Variants in ATP10D observed in about 807,000 individuals in gnomAD.
ATP10D encodes ATPase phospholipid transporting 10D (putative).
A neutral mutation model predicts 144.8 loss-of-function variants in ATP10D; 89 were observed. That is an observed-to-expected ratio of 0.61 (90% confidence interval 0.52 to 0.73). The LOEUF is 0.73. Among genes scored for constraint, ATP10D ranks in the 30% least tolerant of loss-of-function variants. The pLI is 0.00. For synonymous variants in ATP10D, 571 were observed against 615.1 expected (o/e 0.93, Z 1.06); for missense variants, 1,603 against 1,714.8 (o/e 0.93, Z 1.15).
rs1717849314 is a variant in ATP10D at position 47,536,437 on chromosome 4, G to A, written c.1016G>A (p.Gly339Asp). 1.9e-6 allele frequency: 3 copies of A among 1,612,122 alleles called. No individual in the cohort carries two copies. The highest frequency in any genetic ancestry group is 2.5e-6 in the Non-Finnish European group (3 of 1,179,318). The stretch of plus-strand genomic sequence containing the variant: ...TTGATGTCTGTGTATTTTTTGAAAG[G>A]TCATGGAATCTGGCTGAGCAGGTAT... ...LVIMCLTGAV[G>D]HGIWLSRYEK... The change falls in exon 8 of 23, where the codon GGT becomes GAT. Residue 339 changes from glycine to aspartate, a missense_variant and splice_region_variant. Coordinates refer to ENST00000273859, the MANE Select transcript of ATP10D (RefSeq NM_020453.4).
chr4:47,554,597 T>C, intron 10 of ATP10D, 129 bp from the exon 11 acceptor site: 2 of 703,154 alleles, frequency 2.8e-6, no homozygotes, highest in Non-Finnish European at 4.5e-6. Flanking sequence ...TACAATTGTT[T>C]TTAGAAAAAT....
intron 9 of ATP10D, among the ~76,000 whole-genome samples, chr4:47,544,779 C>T (rs546391756): frequency 6.6e-6 from 1 of 152,276 alleles, no homozygotes; most frequent in East Asian, 1.9e-4. Context: ...AAACATTCTT[C>T]ACTTCATAGA....
At chr4:47,585,957 A>AGG (rs1158456859) in intron 21 of ATP10D, among the ~76,000 whole-genome samples, 3 of 152,210 alleles carry the variant, frequency 2.0e-5, no homozygotes, top group African/African-American at 7.2e-5. Context: ...CAGCAAGCAT[A>AGG]GGAGTGCAGA....
At position 47,558,158 on chromosome 4, in the gene ATP10D, C is replaced by T; in HGVS notation, c.2319C>T (p.Asp773=). 1 of 1,614,174 alleles carries T rather than the reference C, an allele frequency of 6.2e-7. No individual in the cohort carries two copies. Among genetic ancestry groups the T allele is most frequent in the Non-Finnish European group, 8.5e-7 (1 of 1,180,050 alleles). ...AACTCCTACACATCCTGCCCTTTGACTCAGTAAGAAAAAGAATGTCTGTTG... is the reference window on the plus strand; with the variant it reads ...AACTCCTACACATCCTGCCCTTTGATTCAGTAAGAAAAAGAATGTCTGTTG... The part of the protein sequence containing the change: ...TFQLLHILPF[D]SVRKRMSVVV... The change falls in exon 12 of 23, where the codon GAC becomes GAT. Residue 773 remains aspartate (D), a synonymous_variant. Transcript: ENST00000273859.
intron 17 of ATP10D, 39 bp downstream of exon 17, chr4:47,572,269 C>G (rs765395052): frequency 1.3e-6 from 2 of 1,558,202 alleles, no homozygotes; most frequent in Non-Finnish European, 1.8e-6. Flanking sequence ...GTGGCCTTGA[C>G]CTGCCCATCC....
intron 19 of ATP10D, among the ~76,000 whole-genome samples, chr4:47,579,773 G>A (rs905243668): frequency 2.0e-5 from 3 of 152,258 alleles, no homozygotes; most frequent in Admixed American, 6.5e-5. Flanking sequence ...TGGAAATGCA[G>A]TGGGAAGTCA....
intron 9 of ATP10D, among the ~76,000 whole-genome samples, chr4:47,541,861 A>G (rs1718149067): frequency 6.6e-6 from 1 of 152,158 alleles, no homozygotes; most frequent in Non-Finnish European, 1.5e-5. Flanking sequence ...AATAAAGTAG[A>G]CAATTTGGTA....
chr4:47,504,861 T>C (rs1715935948), intron 1 of ATP10D, among the ~76,000 whole-genome samples: 1 of 152,242 alleles, frequency 6.6e-6, no homozygotes, highest in Non-Finnish European at 1.5e-5. Context: ...AATCCATAGA[T>C]ACGAAATTTC....
chr4:47,513,985 C>T (rs1328374466), intron 2 of ATP10D, among the ~76,000 whole-genome samples: 1 of 152,112 alleles, frequency 6.6e-6, no homozygotes, highest in Non-Finnish European at 1.5e-5. Context: ...TAGTGTAAGA[C>T]ATTCAGTGAA....
chr4:47,485,763 T>G (rs552252855), intron 1 of ATP10D, among the ~76,000 whole-genome samples: 2 of 151,912 alleles, frequency 1.3e-5, no homozygotes, highest in Non-Finnish European at 2.9e-5. Context: ...AAAAATCTAT[T>G]TTAAATGCTG....
In ATP10D at chr4:47,591,118, C is replaced by G. The variant is rs758429900; in HGVS notation, c.4018C>G (p.Pro1340Ala). 8 of 1,613,304 alleles carry G rather than the reference C, an allele frequency of 5.0e-6. No individual in the cohort carries two copies. In the South Asian group the frequency reaches 8.8e-5, roughly 18 times the overall value. ...AGCTAAGCACTTTGACAGACTAACT[C>G]CAGAGGAGAGGACTAAAGCTCTCAA... ...LRAKHFDRLT[P>A]EERTKALKKW... The change falls in exon 23 of 23, where the codon CCA becomes GCA. Residue 1340 changes from proline to alanine, a missense_variant. Transcript: ENST00000273859.
intron 5 of ATP10D, among the ~76,000 whole-genome samples, chr4:47,531,966 A>AG (rs1717589936): frequency 6.6e-6 from 1 of 152,188 alleles, no homozygotes; most frequent in African/African-American, 2.4e-5. Flanking sequence ...AATCTGGCCC[A>AG]GTGCATGTAG....
chr4:47,590,180 A>T (rs1217032495), intron 22 of ATP10D, among the ~76,000 whole-genome samples: 2 of 152,096 alleles, frequency 1.3e-5, no homozygotes, highest in Non-Finnish European at 2.9e-5. Context: ...ATTTGTAAGG[A>T]ATGAACTTGG....
At chr4:47,503,965 G>C (rs1715865322) in intron 1 of ATP10D, among the ~76,000 whole-genome samples, 1 of 151,800 alleles carries the variant, frequency 6.6e-6, no homozygotes. Context: ...CAATGTTATG[G>C]GTGACATATT....
At chr4:47,573,784 TATTAAAATACC>T in intron 18 of ATP10D, among the ~76,000 whole-genome samples, 1 of 152,314 alleles carries the variant, frequency 6.6e-6, no homozygotes, top group South Asian at 2.1e-4. Flanking sequence ...GATGTCACTC[TATTAAAATACC>T]ATTTTTAGGG....
chr4:47,525,673 G>A (rs767793907), intron 5 of ATP10D, 31 bp downstream of exon 5: 23 of 1,519,544 alleles, frequency 1.5e-5, no homozygotes, highest in Non-Finnish European at 2.0e-5. Flanking sequence ...ATTTGTGGGT[G>A]TAAGTGGAAT....
At position 47,485,500 on chromosome 4, in the gene ATP10D, G is replaced by A. The variant is rs1412365156; in HGVS notation, c.-57G>A. 2 of 151,836 alleles carry A rather than the reference G, an allele frequency of 1.3e-5. No individual in the cohort carries two copies. Among genetic ancestry groups the A allele is most frequent in the Non-Finnish European group, 2.9e-5 (2 of 67,984 alleles). 9.4% of individuals were successfully genotyped at this position (151,836 alleles called of 1,614,324 possible). On this transcript the variant is annotated 5_prime_UTR_variant, in exon 1 of 23. In the 5' UTR this introduces an upstream ATG that the reference lacks. Transcript: ENST00000273859. ...CGACTCGTGACCAACATGCTGTGAT[G>A]TGTGCCGAGGGAGGAATTGGTAAGA...
chr4:47,506,648 C>A (rs1716034033), intron 1 of ATP10D, among the ~76,000 whole-genome samples: 3 of 152,148 alleles, frequency 2.0e-5, no homozygotes, highest in Non-Finnish European at 2.9e-5. Flanking sequence ...CTAAGGACAG[C>A]AGATTACTGA....
Position 47,508,445 on chromosome 4 carries a change from T to C in ATP10D, c.-37-4059T>C, listed in dbSNP as rs140572782. Among the ~76,000 whole-genome samples the C allele has an allele frequency of 5.6e-3, 859 of 152,326 alleles. 10 individuals carry two copies. The highest frequency in any genetic ancestry group is 0.02 in the African/African-American group (818 of 41,576). ...GAGTGGGGAAGAGGATGAGCATTGT[T>C]TATTTATAGCATGTCCCTTGACTAT... On this transcript the variant is annotated intron_variant, in intron 1 of 22. Transcript: ENST00000273859.
Sources: allele counts gnomAD v4.1 joint callset (sites outside exome capture counted in the v4.1 genomes callset), GRCh38; gene constraint gnomAD v4.1.1; transcripts MANE v1.5; gene names NCBI Gene and HGNC (gene_info 2026-07-23, HGNC 2026-07-21).